MALRD1: variants seen among roughly 807,000 people sequenced by gnomAD.
MALRD1 encodes the protein MAM and LDL-receptor class A domain-containing protein 1.
MALRD1 carries 247 observed loss-of-function variants against 242.1 expected under a neutral mutation model. The observed-to-expected ratio is 1.02, with a 90% CI of 0.92 to 1.13. MALRD1 has a LOEUF of 1.13. Ranked by LOEUF, MALRD1 falls within the 50% of genes most tolerant of loss-of-function variation. MALRD1 has a pLI of 0.00. For missense variants in MALRD1, 2,989 were observed against 2,533.1 expected, an observed-to-expected ratio of 1.18 and a Z score of -3.86; for synonymous variants, 995 against 866.6, an observed-to-expected ratio of 1.15 and a Z score of -2.60.
At chr10:19,652,434 C>G (rs562694933) in intron 36 of MALRD1, among the ~76,000 whole-genome samples, 1 of 152,186 alleles carries the variant, frequency 6.6e-6, no homozygotes, top group African/African-American at 2.4e-5. Context: ...GGTGAAATTT[C>G]AAAGGTAGAT....
chr10:19,181,544 G>A (rs954672972), intron 14 of MALRD1, among the ~76,000 whole-genome samples: 4 of 152,150 alleles, frequency 2.6e-5, no homozygotes, highest in Admixed American at 6.5e-5. Flanking sequence ...ACCAGAGGCA[G>A]GGGCCAAGGG....
chr10:19,523,674 T>C (rs927942113), intron 31 of MALRD1, among the ~76,000 whole-genome samples: 2 of 152,136 alleles, frequency 1.3e-5, no homozygotes, highest in African/African-American at 2.4e-5. Flanking sequence ...TTATAGGAAA[T>C]GGCAACGAAT....
intron 18 of MALRD1, among the ~76,000 whole-genome samples, chr10:19,250,799 C>T (rs1839262332): frequency 6.6e-6 from 1 of 151,748 alleles, no homozygotes; most frequent in Non-Finnish European, 1.5e-5. Context: ...AGATCAGCTC[C>T]CCACATCCTC....
upstream of MALRD1, chr10:19,048,784 C>CTT (rs1564360209): frequency 2.1e-6 from 1 of 478,332 alleles, no homozygotes; most frequent in Non-Finnish European, 3.3e-6. Context: ...AATTAACTGC[C>CTT]TGGGGAGTAA....
chr10:19,434,166 A>G (rs1399883732), intron 28 of MALRD1, among the ~76,000 whole-genome samples: 3 of 152,202 alleles, frequency 2.0e-5, no homozygotes, highest in African/African-American at 7.2e-5. Flanking sequence ...ATGTCAGTAA[A>G]TAAATATTTC....
In MALRD1 at chr10:19,734,152, G is replaced by A. The variant is rs761626376; in HGVS notation, c.6391-5G>A. The A allele has an allele frequency of 2.1e-5, 32 of 1,527,698 alleles. No individual in the cohort carries two copies. The highest frequency in any genetic ancestry group is 8.5e-5 in the South Asian group (7 of 82,254). The allele number at this position is 1,527,698 out of a possible 1,614,324, so 94.6% of individuals were successfully genotyped here. A position where few individuals can be genotyped will look rare whatever the true frequency, so the allele number is the denominator to read the frequency against. ...CACCCTTTCAAATGTGTTTTTCTTCGTCAGAGTTCTGTCTATTCCTTCTCA... is the reference window on the plus strand; with the variant it reads ...CACCCTTTCAAATGTGTTTTTCTTCATCAGAGTTCTGTCTATTCCTTCTCA... On this transcript the variant is annotated splice_region_variant and splice_polypyrimidine_tract_variant and intron_variant, in intron 39 of 39. Transcript: ENST00000454679.
At chr10:19,484,145 A>G (rs899866672) in intron 29 of MALRD1, among the ~76,000 whole-genome samples, 2 of 152,192 alleles carry the variant, frequency 1.3e-5, no homozygotes, top group Non-Finnish European at 2.9e-5. Flanking sequence ...GGAGGAGGGC[A>G]AAGATTGACA....
chr10:19,223,015 T>A (rs1457225799), intron 18 of MALRD1, among the ~76,000 whole-genome samples: 2 of 152,214 alleles, frequency 1.3e-5, no homozygotes, highest in Non-Finnish European at 2.9e-5. Flanking sequence ...ATTTATGCTC[T>A]AAGTGTAGCC....
intron 36 of MALRD1, among the ~76,000 whole-genome samples, chr10:19,670,072 A>ACG (rs1841847855): frequency 6.6e-6 from 1 of 151,086 alleles, no homozygotes; most frequent in African/African-American, 2.4e-5. Flanking sequence ...ACGTGCACAC[A>ACG]CACACACACA....
At chr10:19,116,765 G>A (rs1218136514) in intron 5 of MALRD1, among the ~76,000 whole-genome samples, 1 of 152,084 alleles carries the variant, frequency 6.6e-6, no homozygotes, top group African/African-American at 2.4e-5. Context: ...AAATAATATT[G>A]TACTGCCAGA....
chr10:19,524,566 C>T (rs1022798783), intron 31 of MALRD1, among the ~76,000 whole-genome samples: 8 of 152,074 alleles, frequency 5.3e-5, no homozygotes, highest in African/African-American at 1.9e-4. Flanking sequence ...ATTAGACACC[C>T]TTCTATTGAG....
At chr10:19,101,409 A>C (rs985990259) in intron 4 of MALRD1, among the ~76,000 whole-genome samples, 2 of 141,744 alleles carry the variant, frequency 1.4e-5, no homozygotes, top group Non-Finnish European at 3.0e-5. Context: ...TTATTCATAT[A>C]TTATATATTA....
chr10:19,690,556 G>A (rs1228629590), intron 36 of MALRD1, among the ~76,000 whole-genome samples: 1 of 151,742 alleles, frequency 6.6e-6, no homozygotes, highest in Admixed American at 6.6e-5. Context: ...ATTTTTATAG[G>A]CAAACTTCTG....
chr10:19,603,627 T>A (rs1838469987), intron 34 of MALRD1, among the ~76,000 whole-genome samples: 1 of 152,220 alleles, frequency 6.6e-6, no homozygotes, highest in Non-Finnish European at 1.5e-5. Context: ...TCAGGTAGTG[T>A]GATGCCTCCG....
At chr10:19,625,849 C>G (rs73595874) in intron 36 of MALRD1, among the ~76,000 whole-genome samples, 9,225 of 152,134 alleles carry the variant, frequency 0.061, 655 homozygotes, top group African/African-American at 0.17. Context: ...TAGCAACCAA[C>G]AATCATTCTT....
intron 36 of MALRD1, among the ~76,000 whole-genome samples, chr10:19,654,996 G>C (rs12357586): frequency 3.3e-5 from 5 of 152,032 alleles, no homozygotes; most frequent in Admixed American, 3.3e-4. Flanking sequence ...AAATAAATCA[G>C]AATTATATGA....
chr10:19,546,131 C>G (rs1835197660), intron 32 of MALRD1, among the ~76,000 whole-genome samples: 1 of 152,142 alleles, frequency 6.6e-6, no homozygotes, highest in Admixed American at 6.5e-5. Flanking sequence ...TCACAACTGT[C>G]TGGTTACTTA....
chr10:19,340,539 G>C (rs1392422292), intron 24 of MALRD1, among the ~76,000 whole-genome samples: 1 of 152,026 alleles, frequency 6.6e-6, no homozygotes, highest in Admixed American at 6.6e-5. Flanking sequence ...TTCTCTGCCT[G>C]TGTCATGCGT....
intron 33 of MALRD1, among the ~76,000 whole-genome samples, chr10:19,581,076 G>C (rs1261514608): frequency 1.3e-5 from 2 of 152,006 alleles, no homozygotes; most frequent in African/African-American, 4.8e-5. Flanking sequence ...ATTAATATTT[G>C]TATACTTTAT....
Sources: gnomAD v4.1 joint callset for allele counts (sites outside exome capture counted in the v4.1 genomes callset) on GRCh38, gnomAD v4.1.1 for gene constraint, MANE v1.5 for transcripts, NCBI Gene and HGNC (gene_info 2026-07-23, HGNC 2026-07-21) for gene names.